Variants in DLG2 observed in about 807,000 individuals in gnomAD.
DLG2 encodes the protein discs large MAGUK scaffold protein 2.
In DLG2, 45 loss-of-function variants were observed where a neutral mutation model predicts 132.5. The observed-to-expected ratio is 0.34, with a 90% CI of 0.27 to 0.44. DLG2 has a LOEUF of 0.44. Among genes scored for constraint, DLG2 ranks in the 20% least tolerant of loss-of-function variants. DLG2 has a pLI of 1.00. For missense variants in DLG2, 1,045 were observed against 1,196.9 expected, an observed-to-expected ratio of 0.87 and a Z score of 1.87; for synonymous variants, 424 against 419.6, an observed-to-expected ratio of 1.01 and a Z score of -0.13.
chr11:83,924,413 T>C (rs1358046898), intron 15 of DLG2, among the ~76,000 whole-genome samples: 2 of 152,150 alleles, frequency 1.3e-5, no homozygotes, highest in Admixed American at 1.3e-4. Context: ...TATGGGCTGA[T>C]AGTCTACAGA....
intron 5 of DLG2, among the ~76,000 whole-genome samples, chr11:85,115,139 A>G (rs967638961): frequency 6.6e-6 from 1 of 151,818 alleles, no homozygotes; most frequent in African/African-American, 2.4e-5. Context: ...AACTGTACAC[A>G]TATTTGCTCA....
At chr11:85,338,797 C>T (rs1360084333) in intron 3 of DLG2, among the ~76,000 whole-genome samples, 3 of 150,976 alleles carry the variant, frequency 2.0e-5, no homozygotes, top group South Asian at 2.1e-4. Flanking sequence ...CTCCGCCTCC[C>T]GGGTTCACTC....
intron 20 of DLG2, among the ~76,000 whole-genome samples, chr11:83,536,729 G>C (rs756604534): frequency 6.6e-6 from 1 of 152,124 alleles, no homozygotes; most frequent in Non-Finnish European, 1.5e-5. Context: ...TGCTTAATGA[G>C]ACTTTGTTGA....
chr11:84,909,967 A>G (rs1396756104), intron 6 of DLG2, among the ~76,000 whole-genome samples: 11 of 152,190 alleles, frequency 7.2e-5, no homozygotes, highest in Non-Finnish European at 1.6e-4. Context: ...GGCTTTGTTT[A>G]GCCCTGAAGG....
intron 6 of DLG2, among the ~76,000 whole-genome samples, chr11:84,901,731 A>G (rs2090912579): frequency 6.6e-6 from 1 of 152,090 alleles, no homozygotes; most frequent in Non-Finnish European, 1.5e-5. Context: ...TTTAGCTATT[A>G]CTCACATTTT....
chr11:85,190,962 C>G (rs1033415305), intron 4 of DLG2, among the ~76,000 whole-genome samples: 1 of 152,136 alleles, frequency 6.6e-6, no homozygotes, highest in African/African-American at 2.4e-5. Context: ...TCTCAAAGAA[C>G]TTAAAACAAA....
At chr11:84,923,014 G>T in intron 6 of DLG2, 1 of 1,596,702 alleles carries the variant, frequency 6.3e-7, no homozygotes, top group Non-Finnish European at 8.6e-7. Context: ...ACACAAGGTA[G>T]ACATTTTCTG....
chr11:83,719,751 C>T (rs983088550), intron 18 of DLG2, among the ~76,000 whole-genome samples: 5 of 151,950 alleles, frequency 3.3e-5, no homozygotes, highest in Admixed American at 1.3e-4. Flanking sequence ...AGAAGTTTGG[C>T]GGGCAAAAAT....
intron 10 of DLG2, among the ~76,000 whole-genome samples, chr11:84,072,887 C>T (rs151084865): frequency 2.2e-4 from 34 of 152,184 alleles, no homozygotes; most frequent in Non-Finnish European, 4.4e-4. Flanking sequence ...AAGCCAGTGG[C>T]AGTCAGGATA....
intron 6 of DLG2, among the ~76,000 whole-genome samples, chr11:84,645,418 T>C (rs1244323691): frequency 6.6e-6 from 1 of 152,196 alleles, no homozygotes; most frequent in East Asian, 1.9e-4. Context: ...GGAAAGGTTC[T>C]CATCGAACAC....
chr11:85,170,577 T>C (rs983723342), intron 4 of DLG2, among the ~76,000 whole-genome samples: 2 of 152,144 alleles, frequency 1.3e-5, no homozygotes, highest in East Asian at 3.9e-4. Context: ...CAAAGTACCA[T>C]AATTTGAGGT....
chr11:85,225,966 A>G (rs1047490271), intron 4 of DLG2, among the ~76,000 whole-genome samples: 2 of 152,032 alleles, frequency 1.3e-5, no homozygotes, highest in African/African-American at 4.8e-5. Context: ...TAGCTCCCCA[A>G]TGCCATCACC....
In DLG2 at chr11:84,934,504, G is replaced by GTTTTTTTTTTTTTTTTTTTTTT. The variant is rs113436905; in HGVS notation, c.357+177156_357+177157insAAAAAAAAAAAAAAAAAAAAAA. On this transcript the variant is annotated intron_variant, in intron 6 of 27. Coordinates refer to ENST00000376104, the MANE Select transcript of DLG2 (RefSeq NM_001142699.3). The stretch of plus-strand genomic sequence containing the variant: ...TCTGTGAATCTGTATGGTCCTGGGT[G>GTTTTTTTTTTTTTTTTTTTTTT]TTTTTTTTTTGTTTTGTTTTGTTTT... Among the ~76,000 whole-genome samples the GTTTTTTTTTTTTTTTTTTTTTT allele has an allele frequency of 3.0e-4, 10 of 33,868 alleles. 2 individuals are homozygous for GTTTTTTTTTTTTTTTTTTTTTT. The highest frequency in any genetic ancestry group is 4.0e-4 in the Non-Finnish European group (8 of 20,082). The allele number at this position is 33,868 out of a possible 152,430, so 22.2% of individuals were successfully genotyped here.
At chr11:84,785,720 T>C (rs996826506) in intron 6 of DLG2, among the ~76,000 whole-genome samples, 1 of 152,150 alleles carries the variant, frequency 6.6e-6, no homozygotes, top group Non-Finnish European at 1.5e-5. Context: ...ATAATATCTT[T>C]ATGAAATCAT....
chr11:84,363,286 T>C (rs1478489529), intron 7 of DLG2, among the ~76,000 whole-genome samples: 2 of 151,900 alleles, frequency 1.3e-5, no homozygotes, highest in African/African-American at 4.8e-5. Flanking sequence ...TTTCATGTGT[T>C]TTTTGGCTGC....
chr11:85,068,721 A>G (rs2065309382), intron 6 of DLG2, among the ~76,000 whole-genome samples: 1 of 152,166 alleles, frequency 6.6e-6, no homozygotes, highest in South Asian at 2.1e-4. Context: ...AAATGGCCAT[A>G]CAGCCCAAGG....
rs1565826213 is a variant in DLG2, at chr11:83,963,042, A to C, written c.1202-19T>G. ...GAATAAGCTAAGAGGTGGGGGAAAAAGAGAAAAGAAACCTGTTATGTGGGT... is the reference window on the plus strand; with the variant it reads ...GAATAAGCTAAGAGGTGGGGGAAAACGAGAAAAGAAACCTGTTATGTGGGT... On this transcript the variant is annotated intron_variant, in intron 13 of 27. Coordinates refer to ENST00000376104, the MANE Select transcript of DLG2 (RefSeq NM_001142699.3). 6.2e-7 allele frequency: 1 copy of C among 1,611,006 alleles called. No individual in the cohort carries two copies. The highest frequency in any genetic ancestry group is 8.5e-7 in the Non-Finnish European group (1 of 1,177,554).
At chr11:84,371,005 G>A (rs1006014858) in intron 7 of DLG2, among the ~76,000 whole-genome samples, 1 of 151,978 alleles carries the variant, frequency 6.6e-6, no homozygotes, top group African/African-American at 2.4e-5. Flanking sequence ...TTCCATTCTG[G>A]CTTTTTTATA....
chr11:84,758,654 T>C (rs1413040031), intron 6 of DLG2, among the ~76,000 whole-genome samples: 1 of 152,152 alleles, frequency 6.6e-6, no homozygotes, highest in African/African-American at 2.4e-5. Context: ...GACCATAATA[T>C]TGAAAGATGC....
Sources: allele counts gnomAD v4.1 joint callset (sites outside exome capture counted in the v4.1 genomes callset), GRCh38; gene constraint gnomAD v4.1.1; transcripts MANE v1.5; gene names NCBI Gene and HGNC (gene_info 2026-07-23, HGNC 2026-07-21).